CADPS2: variants seen among roughly 807,000 people sequenced by gnomAD.
CADPS2 encodes the protein calcium-dependent secretion activator 2.
CADPS2 carries 93 observed loss-of-function variants against 172.5 expected under a neutral mutation model. That is an observed-to-expected ratio of 0.54 (90% CI 0.46 to 0.64). CADPS2 has a LOEUF of 0.64. CADPS2 is among the 30% of genes least tolerant of loss of function. The probability of loss-of-function intolerance (pLI) is 0.00; values close to 1 mark genes in which losing one functional copy is unlikely to be tolerated. For missense variants in CADPS2, 1,420 were observed against 1,565.9 expected (o/e 0.91, Z 1.57); for synonymous variants, 546 against 555.2 (o/e 0.98, Z 0.23).
chr7:122,353,963 A>AT (rs781630856), intron 27 of CADPS2, among the ~76,000 whole-genome samples: 13 of 151,092 alleles, frequency 8.6e-5, no homozygotes, highest in African/African-American at 1.5e-4. Flanking sequence ...TATCTCTTAG[A>AT]TTTTTTTTCC....
At chr7:122,395,365 A>G (rs1476731896) in intron 20 of CADPS2, 1 of 152,172 alleles carries the variant, frequency 6.6e-6, no homozygotes, top group Non-Finnish European at 1.5e-5. Context: ...TTCCCAGCTC[A>G]GCTATATGCT....
At chr7:122,877,172 T>C (rs370446962) in intron 1 of CADPS2, among the ~76,000 whole-genome samples, 6 of 152,300 alleles carry the variant, frequency 3.9e-5, no homozygotes, top group African/African-American at 1.4e-4. Flanking sequence ...AACTAGGCAT[T>C]CACCTCTATT....
chr7:122,537,516 G>A (rs921758741), intron 8 of CADPS2, among the ~76,000 whole-genome samples: 1 of 151,092 alleles, frequency 6.6e-6, no homozygotes, highest in Non-Finnish European at 1.5e-5. Flanking sequence ...AACTGCAAAA[G>A]AATTAGAAAA....
At chr7:122,332,819 T>C (rs1289989389) in intron 28 of CADPS2, among the ~76,000 whole-genome samples, 1 of 152,174 alleles carries the variant, frequency 6.6e-6, no homozygotes, top group Admixed American at 6.5e-5. Flanking sequence ...TTCCAAAATG[T>C]CCTCAAAGAG....
At chr7:122,614,989 T>G (rs1030784292) in intron 6 of CADPS2, among the ~76,000 whole-genome samples, 192 bp downstream of exon 6, 2 of 152,218 alleles carry the variant, frequency 1.3e-5, no homozygotes, top group Non-Finnish European at 2.9e-5. Flanking sequence ...ACAGGGATTC[T>G]GCCAAAATTC....
intron 3 of CADPS2, among the ~76,000 whole-genome samples, chr7:122,658,703 G>C (rs1212618637): frequency 6.6e-6 from 1 of 152,146 alleles, no homozygotes; most frequent in African/African-American, 2.4e-5. Flanking sequence ...CGTGGACACA[G>C]GAAGGGGAAC....
chr7:122,692,922 G>A (rs1402714280), intron 2 of CADPS2, among the ~76,000 whole-genome samples: 2 of 152,240 alleles, frequency 1.3e-5, no homozygotes, highest in African/African-American at 4.8e-5. Context: ...CTGGGCACAA[G>A]TGTGCCTATA....
chr7:122,327,470 T>C (rs1397750543), intron 28 of CADPS2, among the ~76,000 whole-genome samples: 1 of 152,132 alleles, frequency 6.6e-6, no homozygotes, highest in Non-Finnish European at 1.5e-5. Context: ...AAACTATATA[T>C]ATTTTACGAA....
At chr7:122,479,764 CT>C (rs1169753750) in intron 12 of CADPS2, among the ~76,000 whole-genome samples, 2 of 152,086 alleles carry the variant, frequency 1.3e-5, no homozygotes, top group Non-Finnish European at 2.9e-5. Context: ...AAGACAAATG[CT>C]TTCCCTATGA....
intron 1 of CADPS2, among the ~76,000 whole-genome samples, chr7:122,753,405 G>C (rs571537626): frequency 6.6e-6 from 1 of 152,128 alleles, no homozygotes; most frequent in Non-Finnish European, 1.5e-5. Flanking sequence ...TTTATTTAAA[G>C]GGACTAAGTT....
At chr7:122,544,083 C>T (rs1407233019) in intron 8 of CADPS2, among the ~76,000 whole-genome samples, 1 of 152,014 alleles carries the variant, frequency 6.6e-6, no homozygotes, top group Non-Finnish European at 1.5e-5. Context: ...CCTACGTGTC[C>T]ACTCAAGAGA....
chr7:122,604,067 T>C (rs971600315), intron 6 of CADPS2, among the ~76,000 whole-genome samples: 3 of 152,158 alleles, frequency 2.0e-5, no homozygotes, highest in African/African-American at 7.2e-5. Context: ...ACAATCTTTA[T>C]TTGTTAAGTA....
chr7:122,740,375 GAAA>G (rs1038657700), intron 1 of CADPS2, among the ~76,000 whole-genome samples: 1 of 152,070 alleles, frequency 6.6e-6, no homozygotes, highest in African/African-American at 2.4e-5. Context: ...AGCAAGTAAT[GAAA>G]TAAGCTATCA....
At chr7:122,702,256 G>A (rs192523053) in intron 2 of CADPS2, 2 of 1,613,798 alleles carry the variant, frequency 1.2e-6, no homozygotes, top group African/African-American at 1.3e-5. Context: ...TCTGAATCGA[G>A]TGCAAAATTT....
intron 1 of CADPS2, among the ~76,000 whole-genome samples, chr7:122,765,689 C>T (rs2093526964): frequency 6.6e-6 from 1 of 152,040 alleles, no homozygotes; most frequent in African/African-American, 2.4e-5. Context: ...GTTGAAGTAG[C>T]AGCTATCAAT....
chr7:122,815,624 A>G (rs35541004), intron 1 of CADPS2, among the ~76,000 whole-genome samples: 2 of 151,978 alleles, frequency 1.3e-5, no homozygotes, highest in African/African-American at 4.8e-5. Context: ...AATACAAAAA[A>G]AATTCAAAAT....
intron 1 of CADPS2, among the ~76,000 whole-genome samples, chr7:122,865,773 T>C (rs1383671436): frequency 6.6e-6 from 1 of 152,182 alleles, no homozygotes; most frequent in Non-Finnish European, 1.5e-5. Flanking sequence ...CACACAGCAT[T>C]TATCCAACTA....
chr7:122,754,428 A>G (rs2093074261), intron 1 of CADPS2, among the ~76,000 whole-genome samples: 1 of 152,200 alleles, frequency 6.6e-6, no homozygotes, highest in African/African-American at 2.4e-5. Flanking sequence ...AAAGGCCTTG[A>G]CAGCATCAGA....
chr7:122,563,586 T>C (rs940981452), intron 7 of CADPS2, among the ~76,000 whole-genome samples: 1 of 152,186 alleles, frequency 6.6e-6, no homozygotes, highest in African/African-American at 2.4e-5. Flanking sequence ...TCTCCTTAAT[T>C]ATTTCATAAA....
Sources: allele counts gnomAD v4.1 joint callset (sites outside exome capture counted in the v4.1 genomes callset), GRCh38; gene constraint gnomAD v4.1.1; transcripts MANE v1.5; gene names NCBI Gene and HGNC (gene_info 2026-07-23, HGNC 2026-07-21).